The following RGPD2 variants were observed in gnomAD, a reference collection of about 807,000 sequenced individuals.
RGPD2 encodes RANBP2-like and GRIP domain-containing protein 2.
In RGPD2, 2 loss-of-function variants were observed where a neutral mutation model predicts 36.0. The observed-to-expected ratio is 0.06, with a 90% confidence interval of 0.02 to 0.17. The LOEUF (loss-of-function observed/expected upper bound fraction) is 0.17. RGPD2 is among the 10% of genes least tolerant of loss of function. The pLI is 1.00. For synonymous variants in RGPD2, 19 were observed against 163.8 expected, an observed-to-expected ratio of 0.12 and a Z score of 6.75; for missense variants, 40 against 464.3, an observed-to-expected ratio of 0.09 and a Z score of 8.40.
chr2:87,938,017 T>C, the RGPD2 span, among the ~76,000 whole-genome samples: 3 of 151,794 alleles, frequency 2.0e-5, no homozygotes, highest in Non-Finnish European at 4.4e-5. Flanking sequence ...CTTAGTAGTA[T>C]GTGGGAAGTA....
At chr2:87,988,108 T>C in the RGPD2 span, among the ~76,000 whole-genome samples, 3 of 151,912 alleles carry the variant, frequency 2.0e-5, no homozygotes. Flanking sequence ...CTTTGGCAGT[T>C]AGATTGGAAA....
chr2:87,883,359 G>A, the RGPD2 span, among the ~76,000 whole-genome samples: 3 of 151,586 alleles, frequency 2.0e-5, no homozygotes, highest in Non-Finnish European at 4.4e-5. Flanking sequence ...AGTACAGAAG[G>A]CCATCAAACA....
the RGPD2 span, among the ~76,000 whole-genome samples, chr2:87,877,457 A>G: frequency 1.3e-5 from 2 of 152,346 alleles, no homozygotes; most frequent in South Asian, 4.1e-4. Flanking sequence ...TCCTTCACTT[A>G]TGGAGCTTAG....
At chr2:87,876,493 G>A in the RGPD2 span, among the ~76,000 whole-genome samples, 1 of 152,262 alleles carries the variant, frequency 6.6e-6, no homozygotes, top group African/African-American at 2.4e-5. Context: ...TTACCCAAGA[G>A]TCATTAAGGA....
At chr2:87,857,540 C>T in the RGPD2 span, among the ~76,000 whole-genome samples, 2 of 149,410 alleles carry the variant, frequency 1.3e-5, no homozygotes, top group African/African-American at 4.9e-5. Context: ...GACGGGGTTT[C>T]ACCGTGTTAG....
At chr2:87,887,041 G>GA in the RGPD2 span, among the ~76,000 whole-genome samples, 445 of 145,774 alleles carry the variant, frequency 3.1e-3, no homozygotes, top group Middle Eastern at 6.9e-3. Flanking sequence ...GTTTTAAAAT[G>GA]AAAAAAAAAA....
chr2:87,935,730 A>C, the RGPD2 span, among the ~76,000 whole-genome samples: 1 of 146,794 alleles, frequency 6.8e-6, no homozygotes, highest in Non-Finnish European at 1.5e-5. Flanking sequence ...AACTTTTAAG[A>C]GGCAAAATTG....
the RGPD2 span, among the ~76,000 whole-genome samples, chr2:87,934,816 A>G: frequency 6.9e-6 from 1 of 144,016 alleles, no homozygotes; most frequent in Non-Finnish European, 1.5e-5. Flanking sequence ...CTCATTAAAA[A>G]TATATCTGAA....
At chr2:87,937,184 A>G in the RGPD2 span, among the ~76,000 whole-genome samples, 5 of 151,894 alleles carry the variant, frequency 3.3e-5, no homozygotes, top group African/African-American at 1.2e-4. Flanking sequence ...AAGATCTGGT[A>G]GAGTCAGAAA....
chr2:87,939,980 A>G, the RGPD2 span, among the ~76,000 whole-genome samples: 166 of 152,248 alleles, frequency 1.1e-3, no homozygotes, highest in African/African-American at 3.8e-3. Flanking sequence ...TCAAAGAAAA[A>G]CAAAGAAACG....
chr2:87,988,538 TATA>T, the RGPD2 span, among the ~76,000 whole-genome samples: 169 of 26,640 alleles, frequency 6.3e-3, 8 homozygotes, highest in Non-Finnish European at 0.017. Context: ...TATATATATA[TATA>T]TTTTTTTTTT....
At chr2:87,843,052 A>G in the RGPD2 span, among the ~76,000 whole-genome samples, 1 of 152,030 alleles carries the variant, frequency 6.6e-6, no homozygotes, top group African/African-American at 2.4e-5. Flanking sequence ...CCTTATATAA[A>G]AATTAATTCA....
chr2:87,870,522 G>A, the RGPD2 span, among the ~76,000 whole-genome samples: 1 of 152,138 alleles, frequency 6.6e-6, no homozygotes, highest in Admixed American at 6.5e-5. Flanking sequence ...AAAGACTCTG[G>A]CTCTGGATTC....
At chr2:87,872,570 T>C in the RGPD2 span, among the ~76,000 whole-genome samples, 1 of 151,430 alleles carries the variant, frequency 6.6e-6, no homozygotes, top group African/African-American at 2.4e-5. Context: ...GCAGGTTTGT[T>C]ACATAGGTAA....
chr2:87,930,787 T>A, the RGPD2 span, among the ~76,000 whole-genome samples: 2 of 150,050 alleles, frequency 1.3e-5, no homozygotes, highest in East Asian at 2.0e-4. Context: ...CCTGGTTCAA[T>A]CTTGAAAGGG....
chr2:87,912,473 GC>G, the RGPD2 span, among the ~76,000 whole-genome samples: 2 of 100,504 alleles, frequency 2.0e-5, no homozygotes, highest in Admixed American at 1.2e-4. Flanking sequence ...CAGTCCAGAA[GC>G]TGTGCTGTAA....
At chr2:87,978,806 C>A in the RGPD2 span, among the ~76,000 whole-genome samples, 1 of 138,814 alleles carries the variant, frequency 7.2e-6, no homozygotes, top group African/African-American at 2.7e-5. Flanking sequence ...GTAATCCTAG[C>A]CACTTGGAGG....
intron 4 of RGPD2, among the ~76,000 whole-genome samples, chr2:87,813,882 CAAAAAA>C (rs71271604): frequency 1.5e-5 from 2 of 129,434 alleles, no homozygotes; most frequent in African/African-American, 5.8e-5. Context: ...ATTTCAATTC[CAAAAAA>C]AAAAAAAAAT....
the RGPD2 span, among the ~76,000 whole-genome samples, chr2:87,951,514 G>A: frequency 6.6e-6 from 1 of 152,170 alleles, no homozygotes; most frequent in Non-Finnish European, 1.5e-5. Context: ...TTGAAATTTA[G>A]TTTTAATGTA....
Sources: allele counts gnomAD v4.1 joint callset (sites outside exome capture counted in the v4.1 genomes callset), GRCh38; gene constraint gnomAD v4.1.1; transcripts MANE v1.5; gene names NCBI Gene and HGNC (gene_info 2026-07-23, HGNC 2026-07-21).